The following GRIN2A variants were observed in gnomAD, a reference collection of about 807,000 sequenced individuals.
The protein encoded by GRIN2A is glutamate ionotropic receptor NMDA type subunit 2A.
GRIN2A carries 22 observed loss-of-function variants against 113.4 expected under a neutral mutation model. The ratio of observed to expected loss-of-function variants is 0.19; its 90% confidence interval spans 0.14 to 0.28. The LOEUF is 0.28. Ranked by LOEUF, GRIN2A falls within the 10% of genes least tolerant of loss-of-function variation. GRIN2A has a pLI of 1.00. For missense variants in GRIN2A, 1,502 were observed against 1,887.0 expected (o/e 0.80, Z 3.78); for synonymous variants, 827 against 738.4 (o/e 1.12, Z -1.94).
intron 2 of GRIN2A, among the ~76,000 whole-genome samples, chr16:10,164,200 A>T (rs1195056368): frequency 6.6e-6 from 1 of 152,214 alleles, no homozygotes. Context: ...TTGTCAATTA[A>T]TATTTACTGA....
At chr16:9,994,689 T>C (rs1036147799) in intron 2 of GRIN2A, among the ~76,000 whole-genome samples, 5 of 152,148 alleles carry the variant, frequency 3.3e-5, no homozygotes, top group South Asian at 2.1e-4. Flanking sequence ...AGGCATAGCA[T>C]TGGGAGCTTC....
At chr16:9,945,390 C>T (rs1054671307) in intron 2 of GRIN2A, among the ~76,000 whole-genome samples, 16 of 151,972 alleles carry the variant, frequency 1.1e-4, no homozygotes, top group Admixed American at 3.9e-4. Context: ...AGCGAGGGTT[C>T]GTCAAGTTCA....
At chr16:10,019,060 C>CA (rs36165422) in intron 2 of GRIN2A, among the ~76,000 whole-genome samples, 6,968 of 123,442 alleles carry the variant, frequency 0.056, 433 homozygotes, top group African/African-American at 0.17. Flanking sequence ...TGTTGATCTC[C>CA]AAAAAAAAAA....
intron 9 of GRIN2A, among the ~76,000 whole-genome samples, chr16:9,828,714 T>C (rs115471131): frequency 8.2e-4 from 125 of 152,290 alleles, no homozygotes; most frequent in Non-Finnish European, 1.5e-3. Context: ...CCTTGTTATA[T>C]TTCATTTCAC....
At chr16:10,055,712 G>C (rs2047447187) in intron 2 of GRIN2A, among the ~76,000 whole-genome samples, 1 of 152,140 alleles carries the variant, frequency 6.6e-6, no homozygotes, top group Non-Finnish European at 1.5e-5. Flanking sequence ...AGGCAAATAA[G>C]ATAAAAGCTT....
intron 3 of GRIN2A, among the ~76,000 whole-genome samples, chr16:9,909,588 G>A (rs2044094394): frequency 1.3e-5 from 2 of 152,190 alleles, no homozygotes; most frequent in African/African-American, 4.8e-5. Flanking sequence ...ATATCAGATA[G>A]CTTAAGTACA....
At chr16:10,109,014 T>TAAAAAAAAAAAAAA (rs56946708) in intron 2 of GRIN2A, among the ~76,000 whole-genome samples, 2 of 114,130 alleles carry the variant, frequency 1.8e-5, no homozygotes, top group African/African-American at 4.2e-5. Context: ...TGATTCTCTT[T>TAAAAAAAAAAAAAA]AAAAAAAAAA....
intron 2 of GRIN2A, among the ~76,000 whole-genome samples, chr16:9,954,197 G>A (rs759119752): frequency 5.3e-5 from 8 of 152,136 alleles, no homozygotes; most frequent in Non-Finnish European, 1.2e-4. Context: ...CCAAAATCAT[G>A]CTTGCGATAT....
intron 2 of GRIN2A, among the ~76,000 whole-genome samples, chr16:10,038,501 G>A (rs2047076919): frequency 6.6e-6 from 1 of 151,950 alleles, no homozygotes; most frequent in Non-Finnish European, 1.5e-5. Context: ...CCACCTACTA[G>A]ATGCCAGTAG....
At chr16:10,085,880 AT>A (rs1435107120) in intron 2 of GRIN2A, among the ~76,000 whole-genome samples, 1 of 152,104 alleles carries the variant, frequency 6.6e-6, no homozygotes, top group Non-Finnish European at 1.5e-5. Flanking sequence ...TATTTCTAGG[AT>A]TCAAACCAAC....
At chr16:9,879,051 T>G (rs2043426936) in intron 4 of GRIN2A, among the ~76,000 whole-genome samples, 1 of 152,176 alleles carries the variant, frequency 6.6e-6, no homozygotes, top group Non-Finnish European at 1.5e-5. Flanking sequence ...AGATGATTAT[T>G]TTATTTTATT....
chr16:9,964,781 C>T (rs1170411617), intron 2 of GRIN2A, among the ~76,000 whole-genome samples: 3 of 152,092 alleles, frequency 2.0e-5, no homozygotes, highest in Non-Finnish European at 4.4e-5. Flanking sequence ...CTTGCTAATC[C>T]AGGATCATCC....
intron 2 of GRIN2A, among the ~76,000 whole-genome samples, chr16:10,142,610 G>T (rs2049349914): frequency 6.6e-6 from 1 of 152,192 alleles, no homozygotes; most frequent in Admixed American, 6.5e-5. Context: ...GAAGAGGGAA[G>T]ATTGCTTGAG....
chr16:9,919,889 C>T (rs2044326615), intron 3 of GRIN2A, among the ~76,000 whole-genome samples: 2 of 152,220 alleles, frequency 1.3e-5, no homozygotes, highest in Admixed American at 6.5e-5. Context: ...ATCCAAAACG[C>T]TCTTTCCTCA....
Position 9,912,173 on chromosome 16 carries a change from T to TG in GRIN2A, c.1008-21074dup, listed in dbSNP as rs1469777632. Among the ~76,000 whole-genome samples, 441 of 151,484 alleles carry TG rather than the reference T, an allele frequency of 2.9e-3. 1 individual carries two copies. The highest frequency in any genetic ancestry group is 0.01 in the African/African-American group (413 of 41,280). The stretch of plus-strand genomic sequence containing the variant: ...GGAAAAGGAGAAGGAAGAAGAAGAA[T>TG]GGGGAAAAAAAGGAAGAAGATGTTG... On this transcript the variant is annotated intron_variant, in intron 3 of 12. Transcript: ENST00000330684.
At chr16:9,790,452 A>G (rs1261504618) in intron 11 of GRIN2A, among the ~76,000 whole-genome samples, 6 of 152,242 alleles carry the variant, frequency 3.9e-5, no homozygotes, top group Non-Finnish European at 8.8e-5. Flanking sequence ...TGTAAAAGCC[A>G]GGGAATATAT....
At chr16:10,073,934 A>AT (rs34360395) in intron 2 of GRIN2A, among the ~76,000 whole-genome samples, 141 of 151,632 alleles carry the variant, frequency 9.3e-4, no homozygotes, top group Middle Eastern at 6.8e-3. Flanking sequence ...AAAAAAAAAA[A>AT]CGAAGTGAAA....
At chr16:10,127,729 G>T (rs1410398319) in intron 2 of GRIN2A, among the ~76,000 whole-genome samples, 1 of 152,142 alleles carries the variant, frequency 6.6e-6, no homozygotes, top group Non-Finnish European at 1.5e-5. Context: ...TCAGGCACTG[G>T]AAGCAAGAAA....
At chr16:9,914,680 C>T (rs1367834808) in intron 3 of GRIN2A, among the ~76,000 whole-genome samples, 2 of 152,038 alleles carry the variant, frequency 1.3e-5, no homozygotes, top group Admixed American at 1.3e-4. Context: ...CTCCCAGACC[C>T]AAAGCTGAGG....
Sources: allele counts gnomAD v4.1 joint callset (sites outside exome capture counted in the v4.1 genomes callset), GRCh38; gene constraint gnomAD v4.1.1; transcripts MANE v1.5; gene names NCBI Gene and HGNC (gene_info 2026-07-23, HGNC 2026-07-21).